The following GPD2 variants were observed in gnomAD, a reference collection of about 807,000 sequenced individuals.
The protein encoded by GPD2 is glycerol-3-phosphate dehydrogenase 2.
A neutral mutation model predicts 82.4 loss-of-function variants in GPD2; 54 were observed. The observed-to-expected ratio is 0.66, with a 90% CI of 0.53 to 0.82. The LOEUF is 0.82. GPD2 is among the 40% of genes least tolerant of loss of function. The pLI, the probability that GPD2 is intolerant of heterozygous loss-of-function variation, is 0.00. For synonymous variants in GPD2, 288 were observed against 306.1 expected, an observed-to-expected ratio of 0.94 and a Z score of 0.62; for missense variants, 748 against 896.2, an observed-to-expected ratio of 0.83 and a Z score of 2.11.
chr2:156,415,978 G>A, the GPD2 span, among the ~76,000 whole-genome samples: 3 of 113,812 alleles, frequency 2.6e-5, no homozygotes, highest in Admixed American at 8.9e-5. Context: ...CCGAGATCCC[G>A]CCACTGCACT....
intron 2 of GPD2, among the ~76,000 whole-genome samples, 197 bp downstream of exon 2, chr2:156,476,404 A>G (rs946814098): frequency 3.3e-5 from 5 of 152,156 alleles, no homozygotes; most frequent in Non-Finnish European, 5.9e-5. Flanking sequence ...TAAAAAGTGA[A>G]TTTCTTTTTC....
At chr2:156,530,505 T>C (rs1289654000) in intron 6 of GPD2, among the ~76,000 whole-genome samples, 1 of 150,526 alleles carries the variant, frequency 6.6e-6, no homozygotes, top group Non-Finnish European at 1.5e-5. Flanking sequence ...CCCTGTCTTG[T>C]GCCAGTTTTC....
intron 1 of GPD2, among the ~76,000 whole-genome samples, chr2:156,438,470 C>T (rs1170160271): frequency 3.3e-5 from 5 of 152,140 alleles, no homozygotes; most frequent in South Asian, 2.1e-4. Flanking sequence ...ATGAATTATC[C>T]GTACATTTTT....
chr2:156,400,821 T>C, the GPD2 span, among the ~76,000 whole-genome samples: 1 of 152,002 alleles, frequency 6.6e-6, no homozygotes, highest in East Asian at 1.9e-4. Flanking sequence ...AGGTCCCGGG[T>C]TCAATCCCCG....
At chr2:156,555,179 T>C (rs1686915819) in intron 8 of GPD2, among the ~76,000 whole-genome samples, 1 of 152,252 alleles carries the variant, frequency 6.6e-6, no homozygotes, top group Non-Finnish European at 1.5e-5. Flanking sequence ...TAAATTTTTA[T>C]ACCATTCGTT....
At chr2:156,425,089 A>ATTTT in the GPD2 span, among the ~76,000 whole-genome samples, 37 of 148,716 alleles carry the variant, frequency 2.5e-4, no homozygotes, top group African/African-American at 6.4e-4. Flanking sequence ...TATTCATTTT[A>ATTTT]TTTTTTTTTT....
intron 2 of GPD2, among the ~76,000 whole-genome samples, chr2:156,478,468 G>A (rs529961546): frequency 8.3e-4 from 126 of 152,134 alleles, no homozygotes; most frequent in African/African-American, 2.9e-3. Context: ...TATTTGGGGG[G>A]TAGCAGGTGC....
At chr2:156,550,310 C>T (rs1247681429) in intron 7 of GPD2, among the ~76,000 whole-genome samples, 1 of 152,234 alleles carries the variant, frequency 6.6e-6, no homozygotes, top group Non-Finnish European at 1.5e-5. Context: ...CTTATTTACT[C>T]ATTCTACTTT....
chr2:156,561,040 CTTTTTTT>C (rs35948070), intron 9 of GPD2, among the ~76,000 whole-genome samples: 29 of 27,632 alleles, frequency 1.0e-3, no homozygotes, highest in South Asian at 5.6e-3. Flanking sequence ...TGACATTAAG[CTTTTTTT>C]TTTTTTTTTT....
chr2:156,419,113 G>A, the GPD2 span, among the ~76,000 whole-genome samples: 2 of 131,940 alleles, frequency 1.5e-5, no homozygotes, highest in Admixed American at 8.9e-5. Flanking sequence ...AGGCTGGAGT[G>A]CAATGGTGCA....
chr2:156,575,271 G>A (rs1226790893), intron 13 of GPD2, among the ~76,000 whole-genome samples: 4 of 152,116 alleles, frequency 2.6e-5, no homozygotes, highest in South Asian at 2.1e-4. Context: ...TTGATCTTGC[G>A]TGGTTTTCTA....
intron 1 of GPD2, among the ~76,000 whole-genome samples, chr2:156,448,528 G>T (rs1402273792): frequency 6.6e-6 from 1 of 152,210 alleles, no homozygotes; most frequent in Non-Finnish European, 1.5e-5. Context: ...CTTAAATAAA[G>T]GAGAGACATG....
At chr2:156,560,112 C>T (rs951618843) in intron 9 of GPD2, among the ~76,000 whole-genome samples, 9 of 152,204 alleles carry the variant, frequency 5.9e-5, no homozygotes, top group South Asian at 2.1e-4. Context: ...TCAAATGCAG[C>T]GAGGATGAGA....
rs1319139668 is a variant in GPD2 at position 156,527,666 on chromosome 2, A to T, written c.661+14170A>T. The stretch of plus-strand genomic sequence containing the variant: ...AAGAATAGATATTTGAGAATAAAAT[A>T]AAAAAGTATATAATAATGAAAGCAA... On this transcript the variant is annotated intron_variant, in intron 6 of 16. Coordinates refer to ENST00000438166, the MANE Select transcript of GPD2 (RefSeq NM_000408.5). Among the ~76,000 whole-genome samples the T allele has an allele frequency of 3.9e-5, 6 of 152,260 alleles. No homozygotes were observed. The Middle Eastern group carries it at 0.01, about 259-fold the overall frequency.
chr2:156,559,190 C>T (rs1023738294), intron 9 of GPD2, among the ~76,000 whole-genome samples: 1 of 152,062 alleles, frequency 6.6e-6, no homozygotes, highest in Non-Finnish European at 1.5e-5. Context: ...TTGTATATCA[C>T]AACATTATAT....
intron 1 of GPD2, among the ~76,000 whole-genome samples, chr2:156,472,407 G>A (rs370502254): frequency 4.6e-5 from 7 of 152,156 alleles, no homozygotes; most frequent in African/African-American, 1.4e-4. Context: ...TGCAGTCTCC[G>A]CCTCCGAGGC....
intron 6 of GPD2, among the ~76,000 whole-genome samples, chr2:156,519,123 A>G (rs1283454408): frequency 2.0e-5 from 3 of 152,182 alleles, no homozygotes; most frequent in African/African-American, 4.8e-5. Flanking sequence ...AAACAGTAAT[A>G]TGTACATTAT....
At chr2:156,467,675 C>T (rs979880531) in intron 1 of GPD2, among the ~76,000 whole-genome samples, 3 of 152,156 alleles carry the variant, frequency 2.0e-5, no homozygotes, top group African/African-American at 7.2e-5. Flanking sequence ...TTGTGAAGAA[C>T]CCTTGGGTCA....
chr2:156,500,149 T>A (rs911536141), intron 3 of GPD2, among the ~76,000 whole-genome samples: 4 of 152,160 alleles, frequency 2.6e-5, no homozygotes, highest in African/African-American at 4.8e-5. Flanking sequence ...GATGTATTTT[T>A]AATATATCTT....
Sources: allele counts gnomAD v4.1 joint callset (sites outside exome capture counted in the v4.1 genomes callset), GRCh38; gene constraint gnomAD v4.1.1; transcripts MANE v1.5; gene names NCBI Gene and HGNC (gene_info 2026-07-23, HGNC 2026-07-21).